The following STAB2 variants were observed in gnomAD, a reference collection of about 807,000 sequenced individuals.
The protein encoded by STAB2 is stabilin 2.
Under a neutral mutation model 338.1 loss-of-function variants are expected in STAB2, and 288 were observed. The ratio of observed to expected loss-of-function variants is 0.85; its 90% CI spans 0.77 to 0.94. The LOEUF (loss-of-function observed/expected upper bound fraction) is 0.94, where lower values mean the gene tolerates loss of function less well. Ranked by LOEUF, STAB2 falls within the 40% of genes least tolerant of loss-of-function variation. STAB2 has a pLI of 0.00. For synonymous variants in STAB2, 1,202 were observed against 1,193.3 expected (o/e 1.01, Z -0.15); for missense variants, 3,141 against 3,210.1 (o/e 0.98, Z 0.52).
chr12:103,634,558 G>T (rs545170736), intron 6 of STAB2, among the ~76,000 whole-genome samples: 2 of 152,322 alleles, frequency 1.3e-5, no homozygotes, highest in South Asian at 4.1e-4. Flanking sequence ...TTTCTATTAA[G>T]CATGTCACTT....
At chr12:103,629,455 C>T (rs1957426968) in intron 5 of STAB2, among the ~76,000 whole-genome samples, 1 of 152,192 alleles carries the variant, frequency 6.6e-6, no homozygotes, top group Non-Finnish European at 1.5e-5. Flanking sequence ...CTTCAGCTGT[C>T]AGGCATTAAC....
chr12:103,752,409 G>A (rs1883746441), intron 60 of STAB2, among the ~76,000 whole-genome samples: 1 of 152,106 alleles, frequency 6.6e-6, no homozygotes, highest in African/African-American at 2.4e-5. Flanking sequence ...GTCTTCTTTG[G>A]TGTAGAAAGT....
intron 30 of STAB2, among the ~76,000 whole-genome samples, chr12:103,691,227 A>G (rs1877910377): frequency 6.6e-6 from 1 of 152,250 alleles, no homozygotes; most frequent in Non-Finnish European, 1.5e-5. Flanking sequence ...ATGAGAATGA[A>G]GATTCCACTG....
chr12:103,649,632 G>A (rs182064065), intron 10 of STAB2, among the ~76,000 whole-genome samples: 117 of 152,276 alleles, frequency 7.7e-4, no homozygotes, highest in African/African-American at 2.6e-3. Flanking sequence ...GTAATTGATG[G>A]GTCAATGCTG....
intron 3 of STAB2, among the ~76,000 whole-genome samples, chr12:103,603,305 C>G (rs567773697): frequency 6.6e-6 from 1 of 152,136 alleles, no homozygotes; most frequent in African/African-American, 2.4e-5. Context: ...CTCCTGACCT[C>G]GTGATCTGCC....
chr12:103,682,961 T>C (rs543921766), intron 25 of STAB2, among the ~76,000 whole-genome samples: 5 of 152,024 alleles, frequency 3.3e-5, no homozygotes, highest in African/African-American at 1.2e-4. Flanking sequence ...AAAAGATAAA[T>C]AAATATATAA....
chr12:103,661,603 AAAGC>A (rs147621094), intron 17 of STAB2, among the ~76,000 whole-genome samples: 1,778 of 152,340 alleles, frequency 0.012, 33 homozygotes, highest in African/African-American at 0.041. Flanking sequence ...GAAAAACAGC[AAAGC>A]AAGGAAGGGG....
intron 12 of STAB2, among the ~76,000 whole-genome samples, chr12:103,653,420 T>G (rs986606371): frequency 3.9e-5 from 6 of 152,180 alleles, no homozygotes; most frequent in Non-Finnish European, 1.5e-5. Flanking sequence ...GTTGCTCCAG[T>G]AAGAAAGAAG....
At chr12:103,613,564 G>A (rs1282762451) in intron 3 of STAB2, among the ~76,000 whole-genome samples, 14 of 152,128 alleles carry the variant, frequency 9.2e-5, no homozygotes, top group African/African-American at 2.9e-4. Context: ...GGGGTGACCC[G>A]ATTTTCAAGG....
chr12:103,668,732 G>T lies in STAB2; in HGVS notation c.2172+3G>T. The T allele has an allele frequency of 6.5e-7, 1 of 1,541,434 alleles. No individual in the cohort carries two copies. The highest frequency in any genetic ancestry group is 8.8e-7 in the Non-Finnish European group (1 of 1,140,006). On this transcript the variant is annotated splice_donor_region_variant and intron_variant, in intron 20 of 68. Coordinates refer to ENST00000388887, the MANE Select transcript of STAB2 (RefSeq NM_017564.10). ...GGTACTGCAATGCCACTGTGAAGGT[G>T]AGGAGCGCGTGGCCGAGGCCCAGTC... is the stretch of plus-strand genomic sequence containing the variant.
intron 3 of STAB2, among the ~76,000 whole-genome samples, chr12:103,607,939 C>A (rs575272983): frequency 6.6e-6 from 1 of 152,230 alleles, no homozygotes; most frequent in East Asian, 1.9e-4. Context: ...ATTTCTAGTT[C>A]TAGATCCCTG....
chr12:103,702,710 T>G lies in STAB2; in HGVS notation c.3715-438T>G, dbSNP rs188141150. 2.8e-3 allele frequency among the ~76,000 whole-genome samples: 421 copies of G among 152,340 alleles called. 6 individuals are homozygous for G. Among genetic ancestry groups the G allele is most frequent in the Non-Finnish European group, 5.7e-4 (39 of 68,038 alleles). On this transcript the variant is annotated intron_variant, in intron 34 of 68. Coordinates refer to ENST00000388887, the MANE Select transcript of STAB2 (RefSeq NM_017564.10). ...AGGAACAGTTGCATTCTTCGATTCT[T>G]GGTTATGGAAGGCACTACCACCTCC...
intron 50 of STAB2, among the ~76,000 whole-genome samples, 155 bp downstream of exon 50, chr12:103,731,790 T>C (rs573744132): frequency 3.9e-5 from 6 of 152,242 alleles, no homozygotes; most frequent in Non-Finnish European, 8.8e-5. Context: ...AAAGTCATTC[T>C]CTGCCACTCC....
At position 103,670,726 on chromosome 12, in the gene STAB2, T is replaced by A. The variant is rs756137023; in HGVS notation, c.2290T>A (p.Cys764Ser). ...CADSLGGNGT[C>S]ICEEGFQGSQ... ...AGATAGCCTCGGCGGCAACGGGACATGCATTTGTGAGGAGGGCTTCCAAGG... is the reference window on the plus strand; with the variant it reads ...AGATAGCCTCGGCGGCAACGGGACAAGCATTTGTGAGGAGGGCTTCCAAGG... The change falls in exon 22 of 69, where the codon TGC becomes AGC. Residue 764 changes from cysteine to serine, a missense_variant. Transcript: ENST00000388887. The A allele has an allele frequency of 6.2e-7, 1 of 1,614,146 alleles. No individual in the cohort carries two copies. The highest frequency in any genetic ancestry group is 2.2e-5 in the East Asian group (1 of 44,864).
intron 18 of STAB2, among the ~76,000 whole-genome samples, chr12:103,663,572 TC>T (rs1437685032): frequency 2.0e-5 from 3 of 152,110 alleles, no homozygotes; most frequent in Non-Finnish European, 2.9e-5. Flanking sequence ...GGTCTCAAAC[TC>T]CTGGACTTAA....
intron 33 of STAB2, among the ~76,000 whole-genome samples, chr12:103,696,118 G>A (rs191656201): frequency 1.1e-4 from 16 of 152,250 alleles, no homozygotes; most frequent in African/African-American, 3.9e-4. Context: ...GTGTGTATAT[G>A]TAAATATGAA....
intron 51 of STAB2, among the ~76,000 whole-genome samples, chr12:103,733,427 C>G (rs890797503): frequency 2.6e-5 from 4 of 152,054 alleles, no homozygotes; most frequent in African/African-American, 7.3e-5. Flanking sequence ...TAATCAATAC[C>G]CAAGAGCATC....
chr12:103,723,195 C>T (rs1880904778), intron 44 of STAB2, among the ~76,000 whole-genome samples: 1 of 152,156 alleles, frequency 6.6e-6, no homozygotes, highest in African/African-American at 2.4e-5. Context: ...CTGTATTAGT[C>T]AATTTTCACG....
At position 103,689,630 on chromosome 12, in the gene STAB2, A is replaced by G. The variant is rs561923802; in HGVS notation, c.3046-216A>G. Among the ~76,000 whole-genome samples, 8 of 152,338 alleles carry G rather than the reference A, an allele frequency of 5.3e-5. No homozygotes were observed. The South Asian group carries it at 8.3e-4, about 16-fold the overall frequency. On this transcript the variant is annotated intron_variant, in intron 28 of 68. Transcript: ENST00000388887. ...GACTGAAAGTGTGATCTCATTATCA[A>G]AGGCAGATTTGCTTTGATAAGACTC...
Sources: gnomAD v4.1 joint callset for allele counts (sites outside exome capture counted in the v4.1 genomes callset) on GRCh38, gnomAD v4.1.1 for gene constraint, MANE v1.5 for transcripts, NCBI Gene and HGNC (gene_info 2026-07-23, HGNC 2026-07-21) for gene names.